The following CSMD1 variants were observed in gnomAD, a reference collection of about 807,000 sequenced individuals.
The protein encoded by CSMD1 is CUB and sushi domain-containing protein 1.
A neutral mutation model predicts 417.5 loss-of-function variants in CSMD1; 213 were observed. The ratio of observed to expected loss-of-function variants is 0.51; its 90% confidence interval spans 0.46 to 0.57. The LOEUF (loss-of-function observed/expected upper bound fraction) is 0.57. Among genes scored for constraint, CSMD1 ranks in the 20% least tolerant of loss-of-function variants. CSMD1 has a pLI of 0.00. For synonymous variants in CSMD1, 2,862 were observed against 1,736.8 expected, an observed-to-expected ratio of 1.65 and a Z score of -16.11; for missense variants, 6,923 against 4,529.7, an observed-to-expected ratio of 1.53 and a Z score of -15.17.
chr8:3,285,301 TAATC>T (rs776290627), intron 25 of CSMD1, among the ~76,000 whole-genome samples: 17 of 152,178 alleles, frequency 1.1e-4, no homozygotes, highest in Admixed American at 4.6e-4. Context: ...ATTTTTAAAA[TAATC>T]AAGATAAATC....
intron 3 of CSMD1, among the ~76,000 whole-genome samples, chr8:4,166,337 A>G (rs1797454176): frequency 6.6e-6 from 1 of 152,228 alleles, no homozygotes; most frequent in African/African-American, 2.4e-5. Flanking sequence ...ATAAAAGACC[A>G]TACGTATTAT....
intron 5 of CSMD1, among the ~76,000 whole-genome samples, chr8:3,783,612 A>C (rs1339927175): frequency 2.0e-5 from 3 of 152,180 alleles, no homozygotes; most frequent in Admixed American, 2.0e-4. Flanking sequence ...CCTGAGAGGA[A>C]GCCCTGGATG....
chr8:3,895,586 C>T (rs1328885636), intron 5 of CSMD1, among the ~76,000 whole-genome samples: 1 of 152,124 alleles, frequency 6.6e-6, no homozygotes, highest in African/African-American at 2.4e-5. Context: ...ATTTACCTTT[C>T]TAATGCCCAT....
chr8:4,744,603 A>G (rs1810830506), intron 1 of CSMD1, among the ~76,000 whole-genome samples: 1 of 152,224 alleles, frequency 6.6e-6, no homozygotes, highest in Non-Finnish European at 1.5e-5. Context: ...CGTGGTAGCA[A>G]AAATTAGCCA....
intron 2 of CSMD1, among the ~76,000 whole-genome samples, chr8:4,572,405 G>C (rs1229792281): frequency 6.6e-6 from 1 of 152,132 alleles, no homozygotes; most frequent in South Asian, 2.1e-4. Context: ...TGAAATTCTG[G>C]GTTGAAAATA....
chr8:4,239,450 G>A (rs961989688), intron 3 of CSMD1, among the ~76,000 whole-genome samples: 9 of 152,116 alleles, frequency 5.9e-5, no homozygotes, highest in African/African-American at 1.7e-4. Flanking sequence ...GGGTCCTGGA[G>A]CCATCAGTGC....
chr8:3,938,909 C>G (rs1240587649), intron 5 of CSMD1, among the ~76,000 whole-genome samples: 1 of 152,094 alleles, frequency 6.6e-6, no homozygotes, highest in East Asian at 1.9e-4. Context: ...ATGCTCAATA[C>G]TCTATCATTC....
At chr8:4,562,053 A>G (rs897322824) in intron 2 of CSMD1, among the ~76,000 whole-genome samples, 1 of 152,238 alleles carries the variant, frequency 6.6e-6, no homozygotes, top group Non-Finnish European at 1.5e-5. Context: ...CAATGCAGCC[A>G]GCAAAGAGAC....
At chr8:3,302,738 T>TGTAGGAACTGAAGAGCTCAGA (rs1563247592) in intron 25 of CSMD1, among the ~76,000 whole-genome samples, 1 of 152,230 alleles carries the variant, frequency 6.6e-6, no homozygotes, top group African/African-American at 2.4e-5. Flanking sequence ...CATATAGTGA[T>TGTAGGAACTGAAGAGCTCAGA]GTAGGAACTG....
intron 3 of CSMD1, among the ~76,000 whole-genome samples, chr8:4,292,398 G>T (rs1797420508): frequency 6.6e-6 from 1 of 151,894 alleles, no homozygotes; most frequent in South Asian, 2.1e-4. Flanking sequence ...GACTACAGGT[G>T]CCCGCCACCA....
intron 5 of CSMD1, among the ~76,000 whole-genome samples, chr8:3,985,096 G>A (rs1266193003): frequency 6.6e-6 from 1 of 151,900 alleles, no homozygotes; most frequent in Non-Finnish European, 1.5e-5. Flanking sequence ...TTACTTAGGG[G>A]GGACTTGTCA....
At chr8:3,857,192 C>A (rs1804371768) in intron 5 of CSMD1, among the ~76,000 whole-genome samples, 1 of 152,004 alleles carries the variant, frequency 6.6e-6, no homozygotes, top group Non-Finnish European at 1.5e-5. Flanking sequence ...GAAAAAAGTG[C>A]CAAAGTTGTA....
rs1213304889 is a variant in CSMD1, at chr8:4,565,734, TA to T, written c.302+71607del. On this transcript the variant is annotated intron_variant, in intron 2 of 69. Coordinates refer to ENST00000635120, the MANE Select transcript of CSMD1 (RefSeq NM_033225.6). ...TGGGTGACAGCGCAACACTCCACCTTAAAAAAAATATATACATATATATATA... is the reference window on the plus strand; with the variant it reads ...TGGGTGACAGCGCAACACTCCACCTTAAAAAAATATATACATATATATATA... Among the ~76,000 whole-genome samples, 699 of 126,252 alleles carry T rather than the reference TA, an allele frequency of 5.5e-3. 7 individuals are homozygous for T. The highest frequency in any genetic ancestry group is 0.019 in the African/African-American group (614 of 31,524). 82.8% of individuals were successfully genotyped at this position (126,252 alleles called of 152,430 possible).
At chr8:4,721,255 T>C (rs969981459) in intron 1 of CSMD1, among the ~76,000 whole-genome samples, 1 of 152,200 alleles carries the variant, frequency 6.6e-6, no homozygotes, top group African/African-American at 2.4e-5. Flanking sequence ...TATTTCCTCA[T>C]GCCTAGTATC....
chr8:3,903,757 C>T (rs530029257), intron 5 of CSMD1, among the ~76,000 whole-genome samples: 22 of 152,160 alleles, frequency 1.4e-4, no homozygotes, highest in Non-Finnish European at 2.5e-4. Context: ...ATGGACTTTG[C>T]CACCTCCCAA....
chr8:4,084,992 G>A (rs778504720), intron 3 of CSMD1, among the ~76,000 whole-genome samples: 5 of 151,280 alleles, frequency 3.3e-5, no homozygotes, highest in East Asian at 1.9e-4. Flanking sequence ...CAGCAGGCGC[G>A]TGACAGGGAA....
intron 2 of CSMD1, among the ~76,000 whole-genome samples, chr8:4,564,694 C>A (rs1361873923): frequency 6.6e-6 from 1 of 152,128 alleles, no homozygotes; most frequent in Non-Finnish European, 1.5e-5. Flanking sequence ...AGTAAGCTAA[C>A]AATGAATGCA....
intron 54 of CSMD1, among the ~76,000 whole-genome samples, chr8:2,991,676 G>T (rs1327496916): frequency 6.6e-6 from 1 of 152,166 alleles, no homozygotes; most frequent in Non-Finnish European, 1.5e-5. Context: ...AAAAATGCGA[G>T]TGAATATGAG....
chr8:3,286,998 G>A (rs540420529), intron 25 of CSMD1, among the ~76,000 whole-genome samples: 3 of 152,032 alleles, frequency 2.0e-5, no homozygotes, highest in African/African-American at 4.8e-5. Flanking sequence ...ATTAATTTTT[G>A]TATAAGGTGT....
Sources: allele counts gnomAD v4.1 joint callset (sites outside exome capture counted in the v4.1 genomes callset), GRCh38; gene constraint gnomAD v4.1.1; transcripts MANE v1.5; gene names NCBI Gene and HGNC (gene_info 2026-07-23, HGNC 2026-07-21).